TRPC7: variants seen among roughly 807,000 people sequenced by gnomAD.
TRPC7 encodes the protein transient receptor potential cation channel subfamily C member 7, also known as short transient receptor potential channel 7.
TRPC7 carries 42 observed loss-of-function variants against 90.1 expected under a neutral mutation model. The ratio of observed to expected loss-of-function variants is 0.47; its 90% CI spans 0.36 to 0.60. The LOEUF is 0.60. Among genes scored for constraint, TRPC7 ranks in the 20% least tolerant of loss-of-function variants. TRPC7 has a pLI of 0.00. For missense variants in TRPC7, 955 were observed against 1,112.3 expected, an observed-to-expected ratio of 0.86 and a Z score of 2.01; for synonymous variants, 451 against 436.3, an observed-to-expected ratio of 1.03 and a Z score of -0.42.
At chr5:136,266,521 T>C (rs369585814) in intron 4 of TRPC7, 85 bp from the exon 5 acceptor site, 6 of 1,207,956 alleles carry the variant, frequency 5.0e-6, no homozygotes, top group African/African-American at 1.5e-5. Flanking sequence ...TCACCAAAGT[T>C]TAACCAGAGA....
At chr5:136,248,001 C>T (rs536868405) in intron 6 of TRPC7, among the ~76,000 whole-genome samples, 3 of 152,122 alleles carry the variant, frequency 2.0e-5, no homozygotes, top group African/African-American at 4.8e-5. Flanking sequence ...TTTCAGGAAG[C>T]CTTCTGTGAT....
chr5:136,332,426 G>A (rs771503660), intron 2 of TRPC7, among the ~76,000 whole-genome samples: 7 of 152,134 alleles, frequency 4.6e-5, no homozygotes, highest in Non-Finnish European at 8.8e-5. Context: ...AAGGAGGAGA[G>A]TTGACATATG....
intron 2 of TRPC7, among the ~76,000 whole-genome samples, chr5:136,329,611 A>G (rs1415214522): frequency 6.6e-6 from 1 of 152,130 alleles, no homozygotes; most frequent in Non-Finnish European, 1.5e-5. Context: ...TGCAACAGGA[A>G]GAGATCATGT....
chr5:136,256,268 C>G (rs1262053144), intron 5 of TRPC7, among the ~76,000 whole-genome samples: 2 of 152,218 alleles, frequency 1.3e-5, no homozygotes, highest in African/African-American at 4.8e-5. Context: ...CTGCCCACTC[C>G]TTAAGGGCTG....
chr5:136,243,795 CT>C (rs1039044648), intron 7 of TRPC7, among the ~76,000 whole-genome samples: 52 of 152,148 alleles, frequency 3.4e-4, no homozygotes, highest in African/African-American at 1.2e-3. Context: ...GCTCTATTGA[CT>C]GTTTTTCTGT....
At chr5:136,245,249 T>C (rs904630666) in intron 7 of TRPC7, among the ~76,000 whole-genome samples, 2 of 152,206 alleles carry the variant, frequency 1.3e-5, no homozygotes, top group East Asian at 3.9e-4. Context: ...GCCAAGCACC[T>C]CTCAGGTGCA....
chr5:136,311,381 T>C (rs1296232281), intron 3 of TRPC7, among the ~76,000 whole-genome samples: 1 of 152,212 alleles, frequency 6.6e-6, no homozygotes, highest in African/African-American at 2.4e-5. Context: ...TGTCTGGGTC[T>C]CTGTTCCCTG....
intron 3 of TRPC7, among the ~76,000 whole-genome samples, chr5:136,292,182 A>T (rs1757981916): frequency 6.6e-6 from 1 of 152,256 alleles, no homozygotes; most frequent in Admixed American, 6.5e-5. Flanking sequence ...TGCCCAAAAG[A>T]CAAAGCAGGA....
chr5:136,289,687 T>C (rs908285363), intron 3 of TRPC7, among the ~76,000 whole-genome samples: 14 of 152,252 alleles, frequency 9.2e-5, no homozygotes, highest in Admixed American at 8.5e-4. Context: ...CAAGGAGGCC[T>C]GCCTGCCTCT....
intron 7 of TRPC7, among the ~76,000 whole-genome samples, chr5:136,233,750 C>A (rs1408643500): frequency 6.6e-6 from 1 of 152,220 alleles, no homozygotes; most frequent in Non-Finnish European, 1.5e-5. Flanking sequence ...AACCCAGAAA[C>A]CTTTGGCTGA....
chr5:136,358,537 G>A (rs564818793), intron 1 of TRPC7, among the ~76,000 whole-genome samples: 11 of 152,216 alleles, frequency 7.2e-5, no homozygotes, highest in East Asian at 5.8e-4. Flanking sequence ...GTAGGAATCC[G>A]GGCTCCATCA....
chr5:136,246,819 G>A (rs1315367049), intron 7 of TRPC7, among the ~76,000 whole-genome samples: 3 of 152,092 alleles, frequency 2.0e-5, no homozygotes, highest in Non-Finnish European at 4.4e-5. Flanking sequence ...AGTTTACTAC[G>A]TGAGTTACAT....
At chr5:136,332,578 A>C (rs1027818297) in intron 2 of TRPC7, among the ~76,000 whole-genome samples, 1 of 152,198 alleles carries the variant, frequency 6.6e-6, no homozygotes, top group Admixed American at 6.5e-5. Flanking sequence ...AAGGGAATTG[A>C]GTAAGGAGAG....
chr5:136,345,621 T>A (rs944440836), intron 2 of TRPC7, among the ~76,000 whole-genome samples: 4 of 152,178 alleles, frequency 2.6e-5, no homozygotes, highest in African/African-American at 9.7e-5. Flanking sequence ...ATGAGTAGAT[T>A]ATAAAAATTT....
chr5:136,328,315 C>T (rs1759404555), intron 2 of TRPC7, among the ~76,000 whole-genome samples: 1 of 152,194 alleles, frequency 6.6e-6, no homozygotes, highest in African/African-American at 2.4e-5. Flanking sequence ...GACACTCCAG[C>T]TCTGCCACTG....
intron 7 of TRPC7, among the ~76,000 whole-genome samples, chr5:136,237,969 G>A (rs964956107): frequency 2.0e-5 from 3 of 152,120 alleles, no homozygotes; most frequent in Non-Finnish European, 4.4e-5. Context: ...AGGCCCTCAA[G>A]GCCCTGGGTA....
At chr5:136,274,533 A>G (rs1432075007) in intron 4 of TRPC7, 140 bp downstream of exon 4, 4 of 934,164 alleles carry the variant, frequency 4.3e-6, no homozygotes, top group Non-Finnish European at 2.9e-6. Flanking sequence ...GTGGTTTCCT[A>G]CTTTCACCGG....
intron 5 of TRPC7, among the ~76,000 whole-genome samples, chr5:136,264,891 G>A (rs374726984): frequency 2.6e-5 from 4 of 152,070 alleles, no homozygotes; most frequent in Non-Finnish European, 5.9e-5. Flanking sequence ...GTGCCTGGCC[G>A]GGTTGCTGGT....
intron 2 of TRPC7, among the ~76,000 whole-genome samples, chr5:136,347,997 A>C (rs369907746): frequency 1.3e-5 from 2 of 152,232 alleles, no homozygotes; most frequent in Non-Finnish European, 2.9e-5. Context: ...GTGGAGATGC[A>C]CTAGTCCTTC....
Sources: gnomAD v4.1 joint callset for allele counts (sites outside exome capture counted in the v4.1 genomes callset) on GRCh38, gnomAD v4.1.1 for gene constraint, MANE v1.5 for transcripts, NCBI Gene and HGNC (gene_info 2026-07-23, HGNC 2026-07-21) for gene names.